DMD: variants seen among roughly 807,000 people sequenced by gnomAD.
The protein encoded by DMD is mutant dystrophin.
Under a neutral mutation model 330.1 loss-of-function variants are expected in DMD, and 63 were observed. The ratio of observed to expected loss-of-function variants is 0.19; its 90% confidence interval spans 0.16 to 0.24. DMD has a LOEUF of 0.24. Ranked by LOEUF, DMD falls within the 10% of genes least tolerant of loss-of-function variation. The pLI, the probability that DMD is intolerant of heterozygous loss-of-function variation, is 1.00. For missense variants in DMD, 3,344 were observed against 2,684.1 expected (o/e 1.25, Z -5.43); for synonymous variants, 1,223 against 959.8 (o/e 1.27, Z -5.07).
chrX:31,178,157 G>A lies in DMD; in HGVS notation c.10224-187C>T, dbSNP rs767453374. The A allele has an allele frequency of 4.1e-5, 31 of 750,105 alleles. No individual in the cohort carries two copies. The East Asian group carries it at 3.6e-3, about 88-fold the overall frequency. The allele number at this position is 750,105 out of a possible 1,213,427, so 61.8% of individuals were successfully genotyped here. A position where few individuals can be genotyped will look rare whatever the true frequency, so the allele number is the denominator to read the frequency against. On this transcript the variant is annotated intron_variant, in intron 70 of 78. Coordinates refer to ENST00000357033, the MANE Select transcript of DMD (RefSeq NM_004006.3). ...GTTGTGTGACTGCCATCAGAGTTAA[G>A]GCAAAAAAGAGGAGCAGGTTGAAAA... is the stretch of plus-strand genomic sequence containing the variant.
intron 44 of DMD, among the ~76,000 whole-genome samples, chrX:31,985,290 C>G (rs1045424176): frequency 2.7e-5 from 3 of 111,996 alleles, no homozygotes; most frequent in Non-Finnish European, 3.8e-5. Context: ...ATTAGGTGTT[C>G]TTTGTATATA....
intron 61 of DMD, among the ~76,000 whole-genome samples, chrX:31,334,544 T>C (rs1201568940): frequency 8.9e-6 from 1 of 111,831 alleles, no homozygotes; most frequent in Non-Finnish European, 1.9e-5. Context: ...TATAGGTCTG[T>C]CTTTTGTGAT....
At chrX:32,998,712 TTAAC>T (rs1170636366) in intron 2 of DMD, among the ~76,000 whole-genome samples, 3 of 111,655 alleles carry the variant, frequency 2.7e-5, no homozygotes, top group Non-Finnish European at 5.6e-5. Flanking sequence ...TCTGTGTATT[TTAAC>T]TAACTTATTG....
At chrX:31,417,811 C>A (rs1602632479) in intron 60 of DMD, among the ~76,000 whole-genome samples, 1 of 107,813 alleles carries the variant, frequency 9.3e-6, no homozygotes, top group East Asian at 2.9e-4. Flanking sequence ...CCTCAGCCTC[C>A]TGAGTAGCTA....
chrX:32,659,240 G>A (rs992597110), intron 9 of DMD, among the ~76,000 whole-genome samples: 4 of 111,820 alleles, frequency 3.6e-5, no homozygotes, highest in African/African-American at 1.3e-4. Flanking sequence ...CAGTTGCTTG[G>A]TTTATCCCGT....
chrX:31,128,019 C>G (rs1434215901), intron 77 of DMD, among the ~76,000 whole-genome samples: 1 of 111,352 alleles, frequency 9.0e-6, no homozygotes, highest in Non-Finnish European at 1.9e-5. Flanking sequence ...TGGGTACTAG[C>G]TCCTCAGCTG....
At chrX:32,959,040 T>C (rs951882810) in intron 2 of DMD, among the ~76,000 whole-genome samples, 6 of 112,075 alleles carry the variant, frequency 5.4e-5, no homozygotes, top group Non-Finnish European at 9.4e-5. Flanking sequence ...TTATAATAAG[T>C]TATTACAAAT....
chrX:32,692,317 A>G (rs2063337227), intron 9 of DMD, among the ~76,000 whole-genome samples: 1 of 112,131 alleles, frequency 8.9e-6, no homozygotes, highest in South Asian at 3.7e-4. Flanking sequence ...GCTAAAACCT[A>G]ACAATTCTGT....
intron 77 of DMD, 75 bp downstream of exon 77, chrX:31,134,027 C>A: frequency 1.1e-6 from 1 of 929,254 alleles, no homozygotes; most frequent in Admixed American, 2.2e-5. Flanking sequence ...ATGGAAAATA[C>A]ACACACCAGT....
intron 2 of DMD, among the ~76,000 whole-genome samples, chrX:32,920,713 A>G (rs1184030650): frequency 8.9e-6 from 1 of 112,520 alleles, no homozygotes; most frequent in Non-Finnish European, 1.9e-5. Context: ...AGCAGTGAAG[A>G]TAAAACAGTA....
chrX:31,280,347 C>T (rs753751071), intron 62 of DMD, among the ~76,000 whole-genome samples: 46 of 111,783 alleles, frequency 4.1e-4, no homozygotes, highest in African/African-American at 1.4e-3. Flanking sequence ...CAGATACATA[C>T]AAAAATACTG....
chrX:32,281,092 C>A (rs1363772523), intron 43 of DMD, among the ~76,000 whole-genome samples: 1 of 112,410 alleles, frequency 8.9e-6, no homozygotes, highest in African/African-American at 3.2e-5. Flanking sequence ...TGCTTTAATG[C>A]TGCAGGCTTA....
chrX:31,845,228 G>T (rs2149527079), intron 48 of DMD, among the ~76,000 whole-genome samples: 1 of 111,225 alleles, frequency 9.0e-6, no homozygotes, highest in African/African-American at 3.3e-5. Context: ...TCAACATACT[G>T]AAGACTATTT....
At chrX:32,287,985 C>T (rs1348363530) in intron 42 of DMD, among the ~76,000 whole-genome samples, 6 of 110,567 alleles carry the variant, frequency 5.4e-5, no homozygotes, top group African/African-American at 2.0e-4. Context: ...TTTGCTGGAT[C>T]CTTCTCATCC....
intron 19 of DMD, among the ~76,000 whole-genome samples, chrX:32,492,412 T>C (rs746737584): frequency 1.8e-5 from 2 of 112,577 alleles, no homozygotes; most frequent in East Asian, 5.6e-4. Context: ...CATTTTTAAA[T>C]TTATAAATGT....
At chrX:31,594,335 C>A (rs1569553268) in intron 55 of DMD, among the ~76,000 whole-genome samples, 1 of 110,560 alleles carries the variant, frequency 9.0e-6, no homozygotes, top group East Asian at 2.8e-4. Flanking sequence ...CTCTAAACAA[C>A]TTAGCATAAA....
At chrX:31,576,107 C>G (rs1043823651) in intron 55 of DMD, among the ~76,000 whole-genome samples, 8 of 111,892 alleles carry the variant, frequency 7.1e-5, no homozygotes, top group African/African-American at 2.6e-4. Flanking sequence ...CCAGCTTCTC[C>G]CAATGATAGC....
rs765657328 is a variant in DMD at position 31,188,477 on chromosome X, G to C, written c.9808-5573C>G. Among the ~76,000 whole-genome samples, 4 of 112,084 alleles carry C rather than the reference G, an allele frequency of 3.6e-5. No individual in the cohort carries two copies. The South Asian group carries it at 1.5e-3, about 42-fold the overall frequency. On this transcript the variant is annotated intron_variant, in intron 67 of 78. Coordinates refer to ENST00000357033, the MANE Select transcript of DMD (RefSeq NM_004006.3). The stretch of plus-strand genomic sequence containing the variant: ...CCATTATTTGTTGAGATACATATAA[G>C]TCTCAGATATAATCCCCTCTCAGTA...
intron 7 of DMD, among the ~76,000 whole-genome samples, chrX:32,742,926 G>A (rs187323419): frequency 2.7e-4 from 30 of 111,821 alleles, no homozygotes; most frequent in Admixed American, 2.6e-3. Flanking sequence ...GCCAAGAGAG[G>A]ATAAGTAAGT....
Sources: gnomAD v4.1 joint callset for allele counts (sites outside exome capture counted in the v4.1 genomes callset) on GRCh38, gnomAD v4.1.1 for gene constraint, MANE v1.5 for transcripts, NCBI Gene and HGNC (gene_info 2026-07-23, HGNC 2026-07-21) for gene names.